The following SORCS1 variants were observed in gnomAD, a reference collection of about 807,000 sequenced individuals.
SORCS1 encodes the protein sortilin related VPS10 domain containing receptor 1, also known as VPS10 domain-containing receptor SorCS1.
Under a neutral mutation model 146.1 loss-of-function variants are expected in SORCS1, and 60 were observed. The ratio of observed to expected loss-of-function variants is 0.41; its 90% confidence interval spans 0.33 to 0.51. SORCS1 has a LOEUF of 0.51. Among genes scored for constraint, SORCS1 ranks in the 20% least tolerant of loss-of-function variants. SORCS1 has a pLI of 0.21. For synonymous variants in SORCS1, 637 were observed against 584.0 expected, an observed-to-expected ratio of 1.09 and a Z score of -1.31; for missense variants, 1,352 against 1,487.6, an observed-to-expected ratio of 0.91 and a Z score of 1.50.
chr10:107,018,632 A>G (rs1280647291), intron 1 of SORCS1, among the ~76,000 whole-genome samples: 2 of 151,902 alleles, frequency 1.3e-5, no homozygotes, highest in Non-Finnish European at 2.9e-5. Context: ...TTTTTGTTAT[A>G]AGTGCCTCAG....
At chr10:106,692,760 T>C (rs866089708) in intron 9 of SORCS1, among the ~76,000 whole-genome samples, 2 of 152,114 alleles carry the variant, frequency 1.3e-5, no homozygotes, top group Non-Finnish European at 1.5e-5. Flanking sequence ...AGCACTGACA[T>C]GATGCTATAA....
chr10:106,696,081 C>G (rs985826880), intron 9 of SORCS1, among the ~76,000 whole-genome samples: 1 of 152,224 alleles, frequency 6.6e-6, no homozygotes, highest in Non-Finnish European at 1.5e-5. Context: ...CAGTTCACCT[C>G]TGCTAAAATA....
rs1254323975 is a variant in SORCS1, at chr10:106,829,622, C to A, written c.678G>T (p.Leu226Phe). The A allele has an allele frequency of 1.2e-6, 2 of 1,608,214 alleles. No homozygotes were observed. Among genetic ancestry groups the A allele is most frequent in the Non-Finnish European group, 1.7e-6 (2 of 1,175,422 alleles). ...TYEKLNDKVG[L>F]KTILSYLYVC... ...CATAGAGATAGCTCAAAATGGTTTTCAAACCAACTTTATCATTCAGCTTCT... is the reference window on the plus strand; with the variant it reads ...CATAGAGATAGCTCAAAATGGTTTTAAAACCAACTTTATCATTCAGCTTCT... The change falls in exon 3 of 26, where the codon TTG (leucine) becomes TTT (phenylalanine). Residue 226 changes from leucine to phenylalanine, a missense_variant. Physicochemically the swap from Leu to Phe is conservative, Grantham distance 22. Transcript: ENST00000263054.
upstream of SORCS1, among the ~76,000 whole-genome samples, chr10:107,165,782 C>G (rs1377072966): frequency 6.6e-6 from 1 of 152,164 alleles, no homozygotes; most frequent in Admixed American, 6.5e-5. This position sits in a 1 kb window ranked among gnomAD's most constrained non-coding sequence, Gnocchi z 4.0. Context: ...TGGTGCTCTG[C>G]CACTGGTTTG....
At chr10:106,733,153 A>C (rs2136036558) in intron 5 of SORCS1, among the ~76,000 whole-genome samples, 3 of 152,004 alleles carry the variant, frequency 2.0e-5, no homozygotes, top group Middle Eastern at 6.8e-3. Context: ...AAAAGAAAAA[A>C]AAGAGGCAAG....
intron 3 of SORCS1, among the ~76,000 whole-genome samples, chr10:106,823,780 C>T (rs1589478937): frequency 1.3e-5 from 2 of 152,156 alleles, no homozygotes; most frequent in Non-Finnish European, 2.9e-5. Flanking sequence ...GAAGAGGTGG[C>T]ATTTAAGGTT....
Position 106,810,092 on chromosome 10 carries a change from G to A in SORCS1, c.726+19482C>T, listed in dbSNP as rs146158760. Among the ~76,000 whole-genome samples, 720 of 152,238 alleles carry A rather than the reference G, an allele frequency of 4.7e-3. 6 individuals are homozygous for A. Among genetic ancestry groups the A allele is most frequent in the African/African-American group, 0.016 (669 of 41,550 alleles). On this transcript the variant is annotated intron_variant, in intron 3 of 25. Coordinates refer to ENST00000263054, the MANE Select transcript of SORCS1 (RefSeq NM_052918.5). ...AAAAATTAGCCAAGTGTCGTGGCAC[G>A]CGCCTGTAGTCCCAACTACCTGGGA...
At chr10:107,095,498 C>A (rs1964486879) in intron 1 of SORCS1, among the ~76,000 whole-genome samples, 1 of 152,154 alleles carries the variant, frequency 6.6e-6, no homozygotes, top group Non-Finnish European at 1.5e-5. Flanking sequence ...AGTGTCTGTT[C>A]TAAAGAGTTG....
At chr10:106,888,686 T>C (rs1211795361) in intron 2 of SORCS1, among the ~76,000 whole-genome samples, 2 of 152,174 alleles carry the variant, frequency 1.3e-5, no homozygotes, top group South Asian at 2.1e-4. Flanking sequence ...GGAAATAACC[T>C]ACTCTCCAAC....
chr10:106,980,642 T>A (rs1413313279), intron 1 of SORCS1, among the ~76,000 whole-genome samples: 2 of 152,250 alleles, frequency 1.3e-5, no homozygotes, highest in African/African-American at 4.8e-5. Context: ...TGCCTGTAAG[T>A]GGCCTTGCTG....
At chr10:106,594,313 T>A (rs1766144282) in intron 24 of SORCS1, among the ~76,000 whole-genome samples, 1 of 152,266 alleles carries the variant, frequency 6.6e-6, no homozygotes, top group Non-Finnish European at 1.5e-5. Flanking sequence ...ATCAATCTTT[T>A]AAAATTTTTT....
chr10:106,875,128 C>T (rs1191111109), intron 2 of SORCS1, among the ~76,000 whole-genome samples: 1 of 152,106 alleles, frequency 6.6e-6, no homozygotes, highest in African/African-American at 2.4e-5. Context: ...TCTCCTCCTC[C>T]TGAGTCTCCA....
At chr10:106,907,061 G>A (rs1256264541) in intron 2 of SORCS1, among the ~76,000 whole-genome samples, 2 of 152,162 alleles carry the variant, frequency 1.3e-5, no homozygotes, top group Non-Finnish European at 2.9e-5. Context: ...AAGTGTGTGG[G>A]GAAACAGGCA....
chr10:107,134,509 C>T (rs1358744717), intron 1 of SORCS1, among the ~76,000 whole-genome samples: 1 of 152,026 alleles, frequency 6.6e-6, no homozygotes, highest in East Asian at 1.9e-4. Flanking sequence ...CGTGGTGGCA[C>T]GTGCCTATAG....
intron 5 of SORCS1, among the ~76,000 whole-genome samples, chr10:106,739,804 T>C (rs1399873938): frequency 6.6e-6 from 1 of 151,628 alleles, no homozygotes; most frequent in Non-Finnish European, 1.5e-5. Context: ...CACAAAAAAT[T>C]AGCTGGATGT....
chr10:106,990,395 G>A (rs963751531), intron 1 of SORCS1, among the ~76,000 whole-genome samples: 1 of 152,000 alleles, frequency 6.6e-6, no homozygotes, highest in Admixed American at 6.6e-5. Context: ...TCAGCCTCCT[G>A]AGTACCTGGG....
At position 106,956,543 on chromosome 10, in the gene SORCS1, A is replaced by G; in HGVS notation, c.596T>C (p.Leu199Pro). ...LILTKLYDYN[L>P]GSITESSLWR... ...AAGCGAGCTCTCTGTGATGCTCCCC[A>G]GGTTATAGTCATAGAGCTTTGTCAA... Residue 199 changes from leucine to proline, a missense_variant, in exon 2 of 26, where the codon CTG becomes CCG. This residue lies in a region of SORCS1 where 490 missense variants were observed against 489.1 expected (regional missense o/e 1.00). Coordinates refer to ENST00000263054, the MANE Select transcript of SORCS1 (RefSeq NM_052918.5). The G allele has an allele frequency of 6.2e-7, 1 of 1,614,214 alleles. No individual in the cohort carries two copies. Among genetic ancestry groups the G allele is most frequent in the Non-Finnish European group, 8.5e-7 (1 of 1,180,024 alleles).
At chr10:106,943,455 A>T (rs1954153554) in intron 2 of SORCS1, among the ~76,000 whole-genome samples, 1 of 152,036 alleles carries the variant, frequency 6.6e-6, no homozygotes, top group African/African-American at 2.4e-5. Flanking sequence ...GTATACTTTA[A>T]TTATCTGAAA....
At chr10:107,069,908 C>T (rs1260262228) in intron 1 of SORCS1, among the ~76,000 whole-genome samples, 1 of 152,062 alleles carries the variant, frequency 6.6e-6, no homozygotes, top group African/African-American at 2.4e-5. Flanking sequence ...TTTGTGTGAC[C>T]ACCATCACAA....
Sources: gnomAD v4.1 joint callset for allele counts (sites outside exome capture counted in the v4.1 genomes callset) on GRCh38, gnomAD v4.1.1 for gene constraint, gnomAD v4.1.1 regional missense constraint, Gnocchi (gnomAD v3.1) non-coding constraint, MANE v1.5 for transcripts, NCBI Gene and HGNC (gene_info 2026-07-23, HGNC 2026-07-21) for gene names.